TPRG1: variants seen among roughly 807,000 people sequenced by gnomAD.
The protein encoded by TPRG1 is tumor protein p63 regulated 1.
TPRG1 carries 29 observed loss-of-function variants against 29.3 expected under a neutral mutation model. That is an observed-to-expected ratio of 0.99 (90% CI 0.74 to 1.35). The LOEUF (loss-of-function observed/expected upper bound fraction) is 1.35. Among genes scored for constraint, TPRG1 ranks in the 40% most tolerant of loss-of-function variants. TPRG1 has a pLI of 0.00. For missense variants in TPRG1, 327 were observed against 335.0 expected, an observed-to-expected ratio of 0.98 and a Z score of 0.19; for synonymous variants, 130 against 116.8, an observed-to-expected ratio of 1.11 and a Z score of -0.73.
intron 4 of TPRG1, among the ~76,000 whole-genome samples, chr3:189,080,227 G>T (rs1717498001): frequency 6.6e-6 from 1 of 152,086 alleles, no homozygotes; most frequent in Admixed American, 6.6e-5. Flanking sequence ...TTAATATCGG[G>T]AATTTGTCAT....
chr3:189,198,729 G>T (rs901449396), intron 1 of TPRG1, among the ~76,000 whole-genome samples: 10 of 152,148 alleles, frequency 6.6e-5, no homozygotes, highest in Non-Finnish European at 1.2e-4. Flanking sequence ...CTCTGGAATT[G>T]CTCATGGCCC....
intron 3 of TPRG1, 42 bp downstream of exon 3, chr3:189,215,425 G>A (rs771658185): frequency 5.3e-6 from 8 of 1,509,774 alleles, no homozygotes; most frequent in Middle Eastern, 1.7e-4. Context: ...GAAATACAGC[G>A]TTTTCCTTGA....
chr3:189,284,944 C>G (rs1717794940), intron 4 of TPRG1, among the ~76,000 whole-genome samples: 1 of 152,148 alleles, frequency 6.6e-6, no homozygotes, highest in Non-Finnish European at 1.5e-5. Flanking sequence ...CAAATGGGAT[C>G]TAATTAAACT....
intron 1 of TPRG1, among the ~76,000 whole-genome samples, chr3:189,116,218 C>T (rs574998794): frequency 6.6e-6 from 1 of 152,272 alleles, no homozygotes; most frequent in African/African-American, 2.4e-5. Flanking sequence ...CACTCTGTCA[C>T]CCAGGCTGGT....
intron 5 of TPRG1, among the ~76,000 whole-genome samples, chr3:189,157,089 T>G (rs1384646509): frequency 3.9e-5 from 6 of 152,208 alleles, no homozygotes; most frequent in African/African-American, 1.4e-4. Flanking sequence ...ACTCTCTCTT[T>G]TTGAGCCTCA....
chr3:189,229,742 C>G, intron 3 of TPRG1, among the ~76,000 whole-genome samples: 1 of 152,152 alleles, frequency 6.6e-6, no homozygotes, highest in East Asian at 1.9e-4. Flanking sequence ...TTCCAGGTAC[C>G]AGGAAGCCCA....
chr3:189,055,387 A>G (rs1308820515), intron 4 of TPRG1, among the ~76,000 whole-genome samples: 2 of 152,196 alleles, frequency 1.3e-5, no homozygotes, highest in Non-Finnish European at 1.5e-5. Context: ...TGGAACCAAT[A>G]GAAAAGGAGG....
intron 2 of TPRG1, among the ~76,000 whole-genome samples, chr3:189,208,721 C>T (rs1377716598): frequency 6.6e-6 from 1 of 152,102 alleles, no homozygotes; most frequent in Non-Finnish European, 1.5e-5. Flanking sequence ...AGTATGTGAA[C>T]TTTATTGAAT....
chr3:189,104,334 C>G (rs1157409014), intron 1 of TPRG1, among the ~76,000 whole-genome samples: 1 of 152,060 alleles, frequency 6.6e-6, no homozygotes, highest in African/African-American at 2.4e-5. Flanking sequence ...TAAATGCAAC[C>G]TAAATATCCT....
At chr3:189,279,475 G>C (rs1716735573) in intron 4 of TPRG1, among the ~76,000 whole-genome samples, 1 of 152,164 alleles carries the variant, frequency 6.6e-6, no homozygotes, top group Admixed American at 6.5e-5. Flanking sequence ...CCTTCATTCA[G>C]ATTGTAGCTC....
chr3:189,204,350 A>C (rs1560547396), intron 1 of TPRG1, among the ~76,000 whole-genome samples: 1 of 152,186 alleles, frequency 6.6e-6, no homozygotes, highest in African/African-American at 2.4e-5. Flanking sequence ...ATTGGGAATG[A>C]ACTGGGCCAG....
At chr3:189,058,403 A>G (rs976670985) in intron 4 of TPRG1, among the ~76,000 whole-genome samples, 2 of 152,206 alleles carry the variant, frequency 1.3e-5, no homozygotes, top group Admixed American at 6.5e-5. Context: ...TTTGGCCTCA[A>G]TTGACACAGT....
intron 1 of TPRG1, among the ~76,000 whole-genome samples, chr3:189,106,792 G>A (rs1001524690): frequency 6.6e-6 from 1 of 151,978 alleles, no homozygotes; most frequent in Non-Finnish European, 1.5e-5. Flanking sequence ...AGGTAGATAA[G>A]ACTAATTATT....
intron 1 of TPRG1, among the ~76,000 whole-genome samples, chr3:189,109,898 T>G (rs1720301928): frequency 6.6e-6 from 1 of 152,172 alleles, no homozygotes; most frequent in South Asian, 2.1e-4. Flanking sequence ...TGTCAGAAAT[T>G]GAATCATAAA....
intron 4 of TPRG1, among the ~76,000 whole-genome samples, chr3:189,085,820 C>T (rs1717898576): frequency 6.6e-6 from 1 of 152,104 alleles, no homozygotes; most frequent in Non-Finnish European, 1.5e-5. Flanking sequence ...TCCATTTACA[C>T]TTGAGGATAT....
At chr3:189,017,815 A>G (rs1713034019) in intron 3 of TPRG1, among the ~76,000 whole-genome samples, 1 of 152,176 alleles carries the variant, frequency 6.6e-6, no homozygotes, top group Non-Finnish European at 1.5e-5. Context: ...ACTGACTTCC[A>G]CAAGGGATGA....
In TPRG1 at chr3:189,238,786, C is replaced by T. The variant is rs1467533226; in HGVS notation, c.356C>T (p.Thr119Ile). Residue 119 changes from threonine to isoleucine, a missense_variant, in exon 4 of 6, where the codon ACT becomes ATT. By Grantham distance (89) the Thr-to-Ile change is moderately conservative. Coordinates refer to ENST00000345063, the MANE Select transcript of TPRG1 (RefSeq NM_198485.4). Reference protein sequence around the residue: ...KERILLVTDKTLLICKYDFIM... With the variant: ...KERILLVTDKILLICKYDFIM... ...AGAATTCTACTGGTCACAGACAAGACTCTCTTGATCTGCAAATACGACTTC... is the reference window on the plus strand; with the variant it reads ...AGAATTCTACTGGTCACAGACAAGATTCTCTTGATCTGCAAATACGACTTC... 1 of 1,613,628 alleles carries T rather than the reference C, an allele frequency of 6.2e-7. No individual in the cohort carries two copies. The highest frequency in any genetic ancestry group is 1.3e-5 in the African/African-American group (1 of 74,900).
chr3:189,256,493 T>G (rs1711910855), intron 4 of TPRG1, among the ~76,000 whole-genome samples: 1 of 152,146 alleles, frequency 6.6e-6, no homozygotes, highest in Non-Finnish European at 1.5e-5. Flanking sequence ...TGATTTGGGG[T>G]GGAGAGTTCT....
intron 3 of TPRG1, among the ~76,000 whole-genome samples, chr3:189,235,145 T>C (rs1408512363): frequency 2.6e-5 from 4 of 151,930 alleles, no homozygotes; most frequent in African/African-American, 9.7e-5. Flanking sequence ...GGTAAGGTTT[T>C]TGTAATTTCT....
Sources: allele counts gnomAD v4.1 joint callset (sites outside exome capture counted in the v4.1 genomes callset), GRCh38; gene constraint gnomAD v4.1.1; transcripts MANE v1.5; gene names NCBI Gene and HGNC (gene_info 2026-07-23, HGNC 2026-07-21).